B4GALNT3: variants seen among roughly 807,000 people sequenced by gnomAD.
B4GALNT3 encodes beta-1,4-N-acetyl-galactosaminyltransferase 3.
Under a neutral mutation model 120.2 loss-of-function variants are expected in B4GALNT3, and 86 were observed. That is an observed-to-expected ratio of 0.72 (90% confidence interval 0.60 to 0.86). B4GALNT3 has a LOEUF of 0.86. B4GALNT3 is among the 40% of genes least tolerant of loss of function. The pLI is 0.00. For missense variants in B4GALNT3, 1,167 were observed against 1,298.9 expected, an observed-to-expected ratio of 0.90 and a Z score of 1.56; for synonymous variants, 518 against 510.4, an observed-to-expected ratio of 1.01 and a Z score of -0.20.
intron 1 of B4GALNT3, among the ~76,000 whole-genome samples, chr12:479,396 C>G (rs1946213585): frequency 6.6e-6 from 1 of 152,156 alleles, no homozygotes; most frequent in Non-Finnish European, 1.5e-5. Context: ...GATCCCTTCC[C>G]TGAACTGTTG....
rs894366769 is a variant in B4GALNT3 at position 468,644 on chromosome 12, G to A, written c.169+8099G>A. On this transcript the variant is annotated intron_variant, in intron 1 of 19. Coordinates refer to ENST00000266383, the MANE Select transcript of B4GALNT3 (RefSeq NM_173593.4). ...GGTCTCACACCAGCTCCTCACACCA[G>A]CAAGGACACCTCAACATGAAGATCT... Among the ~76,000 whole-genome samples the A allele has an allele frequency of 5.3e-5, 8 of 152,212 alleles. No homozygotes were observed. In the South Asian group the frequency reaches 6.2e-4, roughly 12 times the overall value.
intron 1 of B4GALNT3, among the ~76,000 whole-genome samples, chr12:505,845 G>A (rs1214519664): frequency 6.6e-6 from 1 of 152,158 alleles, no homozygotes; most frequent in Admixed American, 6.5e-5. Flanking sequence ...ACAAAGCTCT[G>A]TGGAACCCAC....
Position 549,782 on chromosome 12 carries a change from A to C in B4GALNT3, c.867A>C (p.Leu289=). 1 of 1,613,658 alleles carries C rather than the reference A, an allele frequency of 6.2e-7. No individual in the cohort carries two copies. Among genetic ancestry groups the C allele is most frequent in the African/African-American group, 1.3e-5 (1 of 75,008 alleles). ...CCCTGCGCCCAGATGAGACGTTCCT[A>C]CAGATGGATGAGGTGGGCCACATCC... ...SLSLFTNETF[L]QMDEVGHIPQ... The change falls in exon 10 of 20, where the codon CTA becomes CTC. Residue 289 remains leucine, a synonymous_variant. Coordinates refer to ENST00000266383, the MANE Select transcript of B4GALNT3 (RefSeq NM_173593.4).
At position 557,973 on chromosome 12, in the gene B4GALNT3, G is replaced by A. The variant is rs376096965; in HGVS notation, c.2535-43G>A. The stretch of plus-strand genomic sequence containing the variant: ...TGCCAACTTCCTCCAGGGGACCACC[G>A]CAGCTGAGTCCTGATACGCAGCCCT... On this transcript the variant is annotated intron_variant, in intron 16 of 19. Transcript: ENST00000266383. The A allele has an allele frequency of 1.2e-4, 198 of 1,598,212 alleles. No individual in the cohort carries two copies. The African/African-American group carries it at 1.8e-3, about 14-fold the overall frequency.
At position 557,744 on chromosome 12, in the gene B4GALNT3, G is replaced by T; in HGVS notation, c.2517G>T (p.Lys839Asn). 6.2e-7 allele frequency: 1 copy of T among 1,604,166 alleles called. No homozygotes were observed. Among genetic ancestry groups the T allele is most frequent in the Non-Finnish European group, 8.5e-7 (1 of 1,177,220 alleles). The change falls in exon 16 of 20, where the codon AAG (lysine) becomes AAT (asparagine). Residue 839 changes from lysine to asparagine, a missense_variant. By Grantham distance (94) the Lys-to-Asn change is moderately conservative. This residue lies in a region of B4GALNT3 where 983 missense variants were observed against 1,102.5 expected (regional missense o/e 0.89). Coordinates refer to ENST00000266383, the MANE Select transcript of B4GALNT3 (RefSeq NM_173593.4). ...ACATGGATGTTGAGATGGCACTGAAGAGGTCCAAGCTGCGGAGGTGAGGGG... is the reference window on the plus strand; with the variant it reads ...ACATGGATGTTGAGATGGCACTGAATAGGTCCAAGCTGCGGAGGTGAGGGG... ...SEDMDVEMAL[K>N]RSKLRSYQYV... is the part of the protein sequence containing the mutation.
At position 476,384 on chromosome 12, in the gene B4GALNT3, A is replaced by G. The variant is rs186709508; in HGVS notation, c.169+15839A>G. On this transcript the variant is annotated intron_variant, in intron 1 of 19. Coordinates refer to ENST00000266383, the MANE Select transcript of B4GALNT3 (RefSeq NM_173593.4). The stretch of plus-strand genomic sequence containing the variant: ...GGTAAGAGAATCCCTTGAGGCCGGA[A>G]GTTTAAGACCAGCCTGGGCAACATA... 2.4e-3 allele frequency among the ~76,000 whole-genome samples: 372 copies of G among 152,310 alleles called. 1 individual carries two copies. The highest frequency in any genetic ancestry group is 6.8e-3 in the Middle Eastern group (2 of 294).
intron 1 of B4GALNT3, among the ~76,000 whole-genome samples, chr12:517,723 T>C (rs1414773766): frequency 6.6e-6 from 1 of 151,346 alleles, no homozygotes; most frequent in East Asian, 2.0e-4. Context: ...TGTCATGTTA[T>C]CAAACCCATC....
intron 1 of B4GALNT3, among the ~76,000 whole-genome samples, chr12:478,845 C>A (rs923862866): frequency 6.6e-6 from 1 of 152,188 alleles, no homozygotes; most frequent in Non-Finnish European, 1.5e-5. Context: ...GCTGTGGTTA[C>A]CTTCAGGATC....
intron 3 of B4GALNT3, among the ~76,000 whole-genome samples, chr12:540,038 G>T (rs184062526): frequency 2.0e-5 from 3 of 152,226 alleles, no homozygotes; most frequent in Non-Finnish European, 4.4e-5. Flanking sequence ...CCCCACTGCC[G>T]CATGAGTTAG....
At chr12:519,346 A>G (rs1225077872) in intron 1 of B4GALNT3, among the ~76,000 whole-genome samples, 1 of 152,198 alleles carries the variant, frequency 6.6e-6, no homozygotes, top group African/African-American at 2.4e-5. Context: ...GTTTATGCTC[A>G]AGAAGCCAAA....
chr12:547,085 G>A (rs1009929646), intron 7 of B4GALNT3, among the ~76,000 whole-genome samples: 2 of 152,226 alleles, frequency 1.3e-5, no homozygotes, highest in South Asian at 4.1e-4. Context: ...TTTCCCTTGC[G>A]GGGAGGGAGC....
rs763437734 is a variant in B4GALNT3 at position 460,343 on chromosome 12, C to T, written c.-34C>T. On this transcript the variant is annotated 5_prime_UTR_variant, in exon 1 of 20. Coordinates refer to ENST00000266383, the MANE Select transcript of B4GALNT3 (RefSeq NM_173593.4). This position sits in a 1 kb window ranked among gnomAD's most constrained non-coding sequence, Gnocchi z 8.0. ...GGGGCGGCGGCTCGGGGGGTTGGAGCCCGCGCTGGCGGCGGCCGCCTCGGC... is the reference window on the plus strand; with the variant it reads ...GGGGCGGCGGCTCGGGGGGTTGGAGTCCGCGCTGGCGGCGGCCGCCTCGGC... 0.015 allele frequency: 15,993 copies of T among 1,063,968 alleles called. 169 individuals carry two copies. The highest frequency in any genetic ancestry group is 0.017 in the Non-Finnish European group (14,767 of 882,032). The allele number at this position is 1,063,968 out of a possible 1,614,324, so 65.9% of individuals were successfully genotyped here.
In B4GALNT3 at chr12:550,672, C is replaced by T. The variant is rs944620926; in HGVS notation, c.998-250C>T. On this transcript the variant is annotated intron_variant, in intron 10 of 19. Coordinates refer to ENST00000266383, the MANE Select transcript of B4GALNT3 (RefSeq NM_173593.4). The surrounding 1 kb of genome is among the most constrained non-coding windows in gnomAD (Gnocchi z 4.1). ...AGACCTTATTGAGGCTATCCCTGCA[C>T]AGTGACTCTAAGATCAAACGGTGCC... is the stretch of plus-strand genomic sequence containing the variant. Among the ~76,000 whole-genome samples, 1 of 152,204 alleles carries T rather than the reference C, an allele frequency of 6.6e-6. No individual in the cohort carries two copies. Among genetic ancestry groups the T allele is most frequent in the Non-Finnish European group, 1.5e-5 (1 of 68,044 alleles).
intron 1 of B4GALNT3, among the ~76,000 whole-genome samples, chr12:497,747 G>T (rs758736056): frequency 6.6e-6 from 1 of 152,000 alleles, no homozygotes; most frequent in Non-Finnish European, 1.5e-5. Flanking sequence ...TTGACCTCCC[G>T]CTCTTTGTGT....
At chr12:476,928 T>A (rs1388635040) in intron 1 of B4GALNT3, among the ~76,000 whole-genome samples, 3 of 152,220 alleles carry the variant, frequency 2.0e-5, no homozygotes, top group Non-Finnish European at 4.4e-5. Context: ...CAATAGAACA[T>A]GAAATTCTTT....
chr12:519,972 A>G (rs573319503), intron 1 of B4GALNT3, among the ~76,000 whole-genome samples: 2 of 152,220 alleles, frequency 1.3e-5, no homozygotes, highest in African/African-American at 2.4e-5. Context: ...GTGTAGGGGA[A>G]TTTCAACATA....
chr12:478,871 T>C (rs1439001862), intron 1 of B4GALNT3, among the ~76,000 whole-genome samples: 1 of 152,206 alleles, frequency 6.6e-6, no homozygotes, highest in Non-Finnish European at 1.5e-5. Flanking sequence ...TTGCTACTGC[T>C]CTTCTCCCTG....
rs1247742887 is a variant in B4GALNT3 at position 545,227 on chromosome 12, G to A, written c.539-142G>A. 8 of 1,458,782 alleles carry A rather than the reference G, an allele frequency of 5.5e-6. No homozygotes were observed. The African/African-American group carries it at 1.1e-4, about 21-fold the overall frequency. 90.4% of individuals were successfully genotyped at this position (1,458,782 alleles called of 1,614,324 possible). A position where few individuals can be genotyped will look rare whatever the true frequency, so the allele number is the denominator to read the frequency against. ...CCATCTTCACACTGTCTCCCAGGAT[G>A]TAGAAACCCCCACTTTACAGAGAGG... On this transcript the variant is annotated intron_variant, in intron 5 of 19. Coordinates refer to ENST00000266383, the MANE Select transcript of B4GALNT3 (RefSeq NM_173593.4).
At chr12:546,084 G>T (rs1716898705) in intron 6 of B4GALNT3, among the ~76,000 whole-genome samples, 3 of 145,638 alleles carry the variant, frequency 2.1e-5, no homozygotes, top group Non-Finnish European at 4.5e-5. Context: ...GGGAGTTAGG[G>T]TGGGGAGTTG....
Sources: allele counts gnomAD v4.1 joint callset (sites outside exome capture counted in the v4.1 genomes callset), GRCh38; gene constraint gnomAD v4.1.1; regional missense constraint gnomAD v4.1.1; non-coding constraint Gnocchi (gnomAD v3.1); transcripts MANE v1.5; gene names NCBI Gene and HGNC (gene_info 2026-07-23, HGNC 2026-07-21).